ADAMTS19: variants seen among roughly 807,000 people sequenced by gnomAD.
ADAMTS19 encodes the protein ADAM metallopeptidase with thrombospondin type 1 motif 19, also known as A disintegrin and metalloproteinase with thrombospondin motifs 19.
Under a neutral mutation model 153.3 loss-of-function variants are expected in ADAMTS19, and 93 were observed. The ratio of observed to expected loss-of-function variants is 0.61; its 90% confidence interval spans 0.51 to 0.72. ADAMTS19 has a LOEUF of 0.72. Ranked by LOEUF, ADAMTS19 falls within the 30% of genes least tolerant of loss-of-function variation. The pLI is 0.00. For synonymous variants in ADAMTS19, 600 were observed against 556.6 expected (o/e 1.08, Z -1.10); for missense variants, 1,482 against 1,552.1 (o/e 0.95, Z 0.76).
chr5:129,730,594 T>C (rs1471252363), intron 21 of ADAMTS19, among the ~76,000 whole-genome samples: 2 of 152,134 alleles, frequency 1.3e-5, no homozygotes, highest in Admixed American at 1.3e-4. Context: ...ATGATACTAC[T>C]TACAGACAAG....
chr5:129,586,756 T>C (rs1222868104), intron 7 of ADAMTS19, among the ~76,000 whole-genome samples: 2 of 152,242 alleles, frequency 1.3e-5, no homozygotes, highest in Non-Finnish European at 2.9e-5. Context: ...CTGTACCATT[T>C]TGCTTTCCAA....
At chr5:129,524,963 A>T (rs572364745) in intron 3 of ADAMTS19, among the ~76,000 whole-genome samples, 22 of 152,222 alleles carry the variant, frequency 1.4e-4, no homozygotes, top group African/African-American at 4.8e-4. Context: ...TATTATGTGG[A>T]TGAACCTCAT....
chr5:129,631,245 C>G (rs1368908700), intron 10 of ADAMTS19, among the ~76,000 whole-genome samples: 1 of 146,972 alleles, frequency 6.8e-6, no homozygotes, highest in Non-Finnish European at 1.5e-5. Context: ...AAAATATACT[C>G]TGCATGATCT....
rs1757705707 is a variant in ADAMTS19 at position 129,737,210 on chromosome 5, AAG to A, written c.3637_3638del (p.Ser1213LeufsTer37). 6.2e-7 allele frequency: 1 copy of A among 1,600,084 alleles called. No individual in the cohort carries two copies. Among genetic ancestry groups the A allele is most frequent in the Non-Finnish European group, 8.5e-7 (1 of 1,170,848 alleles). On this transcript the variant is annotated frameshift_variant, in exon 23 of 23. Coordinates refer to ENST00000274487, the MANE Select transcript of ADAMTS19 (RefSeq NM_133638.6). LOFTEE classifies it high-confidence loss of function. ...CTTCTATGCCCAAAAGCTGCAGCAG[AAG>A]AGTTGACCTCTAGCAGGCTGGCTGG... ...RDFYAQKLQQ[K>X]S
intron 2 of ADAMTS19, among the ~76,000 whole-genome samples, chr5:129,468,427 C>T (rs1749950667): frequency 6.6e-6 from 1 of 152,182 alleles, no homozygotes; most frequent in Admixed American, 6.5e-5. Flanking sequence ...GATGTCGGCT[C>T]ACTGCAGCTT....
intron 17 of ADAMTS19, 51 bp from the exon 18 acceptor site, chr5:129,684,069 G>C: frequency 6.5e-7 from 1 of 1,534,028 alleles, no homozygotes; most frequent in Non-Finnish European, 8.9e-7. Flanking sequence ...GCTTTACATT[G>C]CACGTGCTCT....
In ADAMTS19 at chr5:129,658,347, A is replaced by AGAGAGAGAGAGAG. The variant is rs1554103336; in HGVS notation, c.2305-270_2305-269insGAGAGAGAGAGAG. Among the ~76,000 whole-genome samples, 77 of 116,064 alleles carry AGAGAGAGAGAGAG rather than the reference A, an allele frequency of 6.6e-4. 4 individuals carry two copies. Among genetic ancestry groups the AGAGAGAGAGAGAG allele is most frequent in the African/African-American group, 2.6e-3 (70 of 27,216 alleles). The allele number at this position is 116,064 out of a possible 152,430, so 76.1% of individuals were successfully genotyped here. Reference sequence around the variant, plus strand: ...AAAGAAAGAAAGAAAGAAAGAAAGAAAGAAAGAAAGAAAGAAAGAAAGAGA... The same window carrying AGAGAGAGAGAGAG: ...AAAGAAAGAAAGAAAGAAAGAAAGAAGAGAGAGAGAGAGAGAAAGAAAGAAAGAAAGAAAGAGA... On this transcript the variant is annotated intron_variant, in intron 14 of 22. Coordinates refer to ENST00000274487, the MANE Select transcript of ADAMTS19 (RefSeq NM_133638.6).
At chr5:129,631,877 T>A (rs1752314580) in intron 10 of ADAMTS19, among the ~76,000 whole-genome samples, 2 of 152,022 alleles carry the variant, frequency 1.3e-5, no homozygotes, top group African/African-American at 2.4e-5. Context: ...AGGTCTAGAT[T>A]TTATAATTTA....
intron 10 of ADAMTS19, among the ~76,000 whole-genome samples, chr5:129,625,766 G>A (rs1465175577): frequency 6.6e-6 from 1 of 152,066 alleles, no homozygotes; most frequent in African/African-American, 2.4e-5. Flanking sequence ...TGGGTAGATT[G>A]CAAAAATTTT....
chr5:129,600,922 T>A (rs963589824), intron 8 of ADAMTS19, among the ~76,000 whole-genome samples: 16 of 152,152 alleles, frequency 1.1e-4, no homozygotes, highest in Admixed American at 9.2e-4. Context: ...CAGGCTGGAG[T>A]GCAGTGGCTC....
chr5:129,591,712 T>G (rs550368793), intron 7 of ADAMTS19, among the ~76,000 whole-genome samples: 37 of 152,250 alleles, frequency 2.4e-4, no homozygotes, highest in African/African-American at 8.4e-4. Flanking sequence ...ACTCACAGAT[T>G]ACAGTCATAG....
intron 15 of ADAMTS19, among the ~76,000 whole-genome samples, chr5:129,661,058 G>T (rs1753795224): frequency 6.6e-6 from 1 of 152,210 alleles, no homozygotes; most frequent in East Asian, 1.9e-4. Context: ...TAGATATCAC[G>T]TAGTTCTCAG....
intron 15 of ADAMTS19, 44 bp from the exon 16 acceptor site, chr5:129,665,455 T>G: frequency 6.9e-7 from 1 of 1,458,638 alleles, no homozygotes; most frequent in Non-Finnish European, 9.3e-7. Context: ...AAAGAGATTT[T>G]GAAGGAACTC....
intron 3 of ADAMTS19, among the ~76,000 whole-genome samples, chr5:129,523,887 C>T (rs1751911537): frequency 6.6e-6 from 1 of 152,244 alleles, no homozygotes; most frequent in Non-Finnish European, 1.5e-5. Flanking sequence ...GGCCATACTG[C>T]CCAAAGTAAT....
intron 13 of ADAMTS19, among the ~76,000 whole-genome samples, chr5:129,649,346 A>G (rs181451278): frequency 2.0e-5 from 3 of 152,238 alleles, no homozygotes; most frequent in Admixed American, 6.5e-5. Context: ...CAGAAATCAT[A>G]CTCCTGAGTG....
intron 3 of ADAMTS19, among the ~76,000 whole-genome samples, chr5:129,513,054 T>C (rs1055868127): frequency 6.6e-6 from 1 of 152,022 alleles, no homozygotes; most frequent in Non-Finnish European, 1.5e-5. Flanking sequence ...TAACTTCTAT[T>C]CAGATGTCAT....
intron 4 of ADAMTS19, 94 bp downstream of exon 4, chr5:129,526,550 T>A: frequency 8.3e-7 from 1 of 1,201,958 alleles, no homozygotes; most frequent in Non-Finnish European, 1.2e-6. Context: ...TAAAATTAAC[T>A]CATTACTATT....
At chr5:129,491,648 C>T (rs1018762784) in intron 2 of ADAMTS19, among the ~76,000 whole-genome samples, 1 of 152,052 alleles carries the variant, frequency 6.6e-6, no homozygotes, top group Non-Finnish European at 1.5e-5. Context: ...ACTGTTTTGT[C>T]ATGAAACAGT....
At chr5:129,486,982 C>T (rs1437890417) in intron 2 of ADAMTS19, among the ~76,000 whole-genome samples, 1 of 152,128 alleles carries the variant, frequency 6.6e-6, no homozygotes, top group Non-Finnish European at 1.5e-5. Context: ...CACAGTCCTT[C>T]TCTCCTTTAT....
Sources: allele counts gnomAD v4.1 joint callset (sites outside exome capture counted in the v4.1 genomes callset), GRCh38; gene constraint gnomAD v4.1.1; transcripts MANE v1.5; gene names NCBI Gene and HGNC (gene_info 2026-07-23, HGNC 2026-07-21).